The following MAGI2 variants were observed in gnomAD, a reference collection of about 807,000 sequenced individuals.
MAGI2 encodes membrane-associated guanylate kinase, WW and PDZ domain-containing protein 2.
In MAGI2, 35 loss-of-function variants were observed where a neutral mutation model predicts 133.3. The ratio of observed to expected loss-of-function variants is 0.26; its 90% confidence interval spans 0.20 to 0.35. The LOEUF (loss-of-function observed/expected upper bound fraction) is 0.35. Ranked by LOEUF, MAGI2 falls within the 10% of genes least tolerant of loss-of-function variation. The pLI is 1.00. For missense variants in MAGI2, 1,636 were observed against 1,863.4 expected, an observed-to-expected ratio of 0.88 and a Z score of 2.25; for synonymous variants, 729 against 710.6, an observed-to-expected ratio of 1.03 and a Z score of -0.41.
chr7:78,303,616 C>A (rs755745084), intron 9 of MAGI2, among the ~76,000 whole-genome samples: 7 of 152,118 alleles, frequency 4.6e-5, no homozygotes, highest in Non-Finnish European at 1.0e-4. Flanking sequence ...CTCCTATTAC[C>A]TTTAGTCTTC....
At chr7:78,959,127 A>G (rs572373553) in intron 2 of MAGI2, among the ~76,000 whole-genome samples, 1 of 152,212 alleles carries the variant, frequency 6.6e-6, no homozygotes, top group East Asian at 1.9e-4. Context: ...CTTTGAATTG[A>G]TGGAATTGCT....
At chr7:79,101,388 A>G (rs1322163278) in intron 1 of MAGI2, among the ~76,000 whole-genome samples, 1 of 152,176 alleles carries the variant, frequency 6.6e-6, no homozygotes, top group Non-Finnish European at 1.5e-5. Context: ...CAGTGATAAA[A>G]GTAAGAAGGG....
intron 1 of MAGI2, among the ~76,000 whole-genome samples, chr7:79,184,770 T>C (rs1340206481): frequency 6.6e-6 from 1 of 151,836 alleles, no homozygotes; most frequent in Non-Finnish European, 1.5e-5. Context: ...TATCAAAGTT[T>C]TGTAATATTC....
intron 2 of MAGI2, among the ~76,000 whole-genome samples, chr7:78,947,858 A>G (rs528040455): frequency 6.6e-6 from 1 of 152,184 alleles, no homozygotes; most frequent in South Asian, 2.1e-4. Context: ...GCTCTAAATG[A>G]CTTTTGGCCA....
chr7:78,375,590 A>AT (rs1360423039), intron 6 of MAGI2, among the ~76,000 whole-genome samples: 1 of 152,134 alleles, frequency 6.6e-6, no homozygotes. Context: ...TAAAAAAAAA[A>AT]CAAAATTTGA....
At chr7:79,430,758 A>G (rs904144304) in intron 1 of MAGI2, among the ~76,000 whole-genome samples, 5 of 152,184 alleles carry the variant, frequency 3.3e-5, no homozygotes, top group African/African-American at 1.2e-4. Flanking sequence ...CTCACCAAAT[A>G]TATCTCCATA....
At chr7:78,226,901 T>A (rs1417748740) in intron 10 of MAGI2, among the ~76,000 whole-genome samples, 1 of 152,238 alleles carries the variant, frequency 6.6e-6, no homozygotes, top group East Asian at 1.9e-4. Flanking sequence ...ATGAGTTTTC[T>A]GTAAATCAGA....
chr7:78,983,367 T>C (rs577673946), intron 2 of MAGI2, among the ~76,000 whole-genome samples: 1 of 152,138 alleles, frequency 6.6e-6, no homozygotes, highest in Non-Finnish European at 1.5e-5. Context: ...ATAAGACTCA[T>C]GTCATATTTT....
intron 2 of MAGI2, among the ~76,000 whole-genome samples, chr7:78,878,200 C>T (rs1795575288): frequency 2.0e-5 from 3 of 152,170 alleles, no homozygotes; most frequent in African/African-American, 4.8e-5. Context: ...ATGCCTGACT[C>T]AATGAATGAA....
At chr7:78,879,716 A>G (rs1339312024) in intron 2 of MAGI2, among the ~76,000 whole-genome samples, 6 of 152,134 alleles carry the variant, frequency 3.9e-5, no homozygotes, top group Admixed American at 3.9e-4. Flanking sequence ...TATTAGCTCT[A>G]AAACAATAAT....
intron 2 of MAGI2, among the ~76,000 whole-genome samples, chr7:78,701,473 T>G (rs77634772): frequency 0.052 from 7,956 of 152,020 alleles, 374 homozygotes; most frequent in East Asian, 0.16. Context: ...GATGATGATT[T>G]TCTTTCTTTT....
At chr7:79,142,564 G>A (rs1222780800) in intron 1 of MAGI2, among the ~76,000 whole-genome samples, 1 of 152,166 alleles carries the variant, frequency 6.6e-6, no homozygotes, top group Non-Finnish European at 1.5e-5. Context: ...CTGTGAGTGT[G>A]CATGTGTGTG....
At chr7:78,964,083 T>C (rs1018026886) in intron 2 of MAGI2, among the ~76,000 whole-genome samples, 1 of 152,014 alleles carries the variant, frequency 6.6e-6, no homozygotes, top group Non-Finnish European at 1.5e-5. Flanking sequence ...AAGGGTTATT[T>C]AGTTTAGCCC....
At chr7:79,065,735 A>AGT (rs1584834584) in intron 1 of MAGI2, among the ~76,000 whole-genome samples, 1 of 152,066 alleles carries the variant, frequency 6.6e-6, no homozygotes, top group East Asian at 1.9e-4. Flanking sequence ...TGAAATCCCC[A>AGT]GTGTGTGATG....
chr7:78,294,696 A>G (rs1300930008), intron 9 of MAGI2, among the ~76,000 whole-genome samples: 1 of 152,144 alleles, frequency 6.6e-6, no homozygotes, highest in Non-Finnish European at 1.5e-5. Flanking sequence ...CAAGCAGCCA[A>G]CCAACCGATC....
rs1051464123 is a variant in MAGI2, at chr7:79,300,864, T to C, written c.301+152156A>G. Among the ~76,000 whole-genome samples, 16 of 152,300 alleles carry C rather than the reference T, an allele frequency of 1.1e-4. 2 individuals carry two copies. The South Asian group carries it at 2.7e-3, about 26-fold the overall frequency. On this transcript the variant is annotated intron_variant, in intron 1 of 21. Transcript: ENST00000354212. ...CCTGCTGCTCTGTGCAGCCTGGAGA[T>C]ACTGCTCTCACATCCTGGCTGCTCT...
At chr7:79,064,086 C>A (rs930646514) in intron 1 of MAGI2, among the ~76,000 whole-genome samples, 2 of 151,914 alleles carry the variant, frequency 1.3e-5, no homozygotes, top group African/African-American at 4.8e-5. Flanking sequence ...GAGCCAGCTG[C>A]AAAAGCATGA....
chr7:78,271,925 T>A (rs550943183), intron 9 of MAGI2, among the ~76,000 whole-genome samples: 1 of 152,312 alleles, frequency 6.6e-6, no homozygotes, highest in East Asian at 1.9e-4. Context: ...TTTAAGGGTT[T>A]TTTGTGTCTC....
In MAGI2 at chr7:79,241,596, T is replaced by G. The variant is rs1162770037; in HGVS notation, c.301+211424A>C. ...AGCAAGGATGATAATAGTCTCTTCC[T>G]AAAACTGACCCCATCTTTGTTTTGG... On this transcript the variant is annotated intron_variant, in intron 1 of 21. Transcript: ENST00000354212. Among the ~76,000 whole-genome samples, 10 of 152,358 alleles carry G rather than the reference T, an allele frequency of 6.6e-5. No individual in the cohort carries two copies. The East Asian group carries it at 1.9e-3, about 29-fold the overall frequency.
Sources: allele counts gnomAD v4.1 joint callset (sites outside exome capture counted in the v4.1 genomes callset), GRCh38; gene constraint gnomAD v4.1.1; transcripts MANE v1.5; gene names NCBI Gene and HGNC (gene_info 2026-07-23, HGNC 2026-07-21).